The following DHRSX variants were observed in gnomAD, a reference collection of about 807,000 sequenced individuals.
The protein encoded by DHRSX is polyprenol dehydrogenase.
In DHRSX, 31 loss-of-function variants were observed where a neutral mutation model predicts 34.0. The ratio of observed to expected loss-of-function variants is 0.91; its 90% CI spans 0.69 to 1.23. The LOEUF is 1.23. Ranked by LOEUF, DHRSX falls within the 50% of genes most tolerant of loss-of-function variation. The pLI, the probability that DHRSX is intolerant of heterozygous loss-of-function variation, is 0.00. For missense variants in DHRSX, 414 were observed against 428.1 expected, an observed-to-expected ratio of 0.97 and a Z score of 0.29; for synonymous variants, 201 against 183.8, an observed-to-expected ratio of 1.09 and a Z score of -0.76.
At chrX:2,441,927 A>T (rs2044067703) in intron 1 of DHRSX, among the ~76,000 whole-genome samples, 1 of 152,088 alleles carries the variant, frequency 6.6e-6, no homozygotes, top group Non-Finnish European at 1.5e-5. Context: ...AAAAAAAATT[A>T]GCTGGGTGTG....
At chrX:2,452,952 C>G (rs1240543626) in intron 1 of DHRSX, among the ~76,000 whole-genome samples, 1 of 152,162 alleles carries the variant, frequency 6.6e-6, no homozygotes, top group Non-Finnish European at 1.5e-5. Flanking sequence ...TACTCAGTTT[C>G]CAAGAGACGG....
intron 3 of DHRSX, among the ~76,000 whole-genome samples, chrX:2,394,295 A>G (rs2043381417): frequency 6.6e-6 from 1 of 152,212 alleles, no homozygotes; most frequent in African/African-American, 2.4e-5. Flanking sequence ...GCCCCACAGG[A>G]GAGACCTGGA....
At chrX:2,252,389 T>C (rs963535795) in intron 5 of DHRSX, among the ~76,000 whole-genome samples, 2 of 152,026 alleles carry the variant, frequency 1.3e-5, no homozygotes, top group Non-Finnish European at 2.9e-5. Context: ...ACTTCTCCAA[T>C]CTCCTCACCC....
intron 1 of DHRSX, among the ~76,000 whole-genome samples, chrX:2,454,451 C>T (rs920441712): frequency 1.2e-4 from 18 of 150,894 alleles, no homozygotes; most frequent in East Asian, 3.9e-4. Context: ...TGCTTCAACC[C>T]GGGAGATGTT....
rs756471302 is a variant in DHRSX, at chrX:2,264,521, G to C, written c.596+2219C>G. 2.7e-5 allele frequency among the ~76,000 whole-genome samples: 4 copies of C among 148,810 alleles called. No homozygotes were observed. The South Asian group carries it at 8.6e-4, about 32-fold the overall frequency. On this transcript the variant is annotated intron_variant, in intron 5 of 6. Transcript: ENST00000334651. ...GTCCAGCAGACTCAGGGAGCACTGT[G>C]CCCAGAGCACCTGTGCTCAGCAGAC...
At chrX:2,268,626 T>C (rs1602840997) in intron 4 of DHRSX, among the ~76,000 whole-genome samples, 1 of 149,814 alleles carries the variant, frequency 6.7e-6, no homozygotes, top group Non-Finnish European at 1.5e-5. Flanking sequence ...TTCTTTTACA[T>C]ATGTGTTGTA....
chrX:2,272,702 G>A (rs930814916), intron 4 of DHRSX, among the ~76,000 whole-genome samples: 3 of 152,076 alleles, frequency 2.0e-5, no homozygotes, highest in Non-Finnish European at 4.4e-5. Context: ...AAGCCCAGGT[G>A]ACAGGCTGTA....
chrX:2,299,597 A>G (rs1281382319), intron 3 of DHRSX, among the ~76,000 whole-genome samples: 2 of 152,088 alleles, frequency 1.3e-5, no homozygotes, highest in Non-Finnish European at 2.9e-5. Flanking sequence ...GCTCATGCCT[A>G]TAACCCCAGC....
chrX:2,277,052 GA>G (rs749202509), intron 4 of DHRSX, among the ~76,000 whole-genome samples: 3 of 87,352 alleles, frequency 3.4e-5, no homozygotes, highest in African/African-American at 2.0e-4. Context: ...GAGAGGAGGA[GA>G]GGGAGGAAAT....
chrX:2,478,003 T>C (rs1230778177), intron 1 of DHRSX, among the ~76,000 whole-genome samples: 1 of 152,158 alleles, frequency 6.6e-6, no homozygotes, highest in Non-Finnish European at 1.5e-5. Flanking sequence ...ACACTAGAAG[T>C]CTCTGATAGG....
intron 2 of DHRSX, among the ~76,000 whole-genome samples, chrX:2,410,298 AGT>A (rs1404953986): frequency 1.3e-5 from 2 of 152,032 alleles, no homozygotes; most frequent in Non-Finnish European, 2.9e-5. Context: ...TCACGGAAAA[AGT>A]GTTGAGAGAA....
intron 5 of DHRSX, among the ~76,000 whole-genome samples, chrX:2,254,958 T>A (rs927256191): frequency 7.8e-5 from 10 of 127,976 alleles, no homozygotes; most frequent in African/African-American, 3.1e-4. Context: ...CCCCCCCCTT[T>A]TTTTTCTTTT....
At chrX:2,238,224 G>A (rs1379033262) in intron 6 of DHRSX, among the ~76,000 whole-genome samples, 1 of 152,242 alleles carries the variant, frequency 6.6e-6, no homozygotes, top group South Asian at 2.1e-4. Flanking sequence ...AGGCATGCTG[G>A]TGCATTCGTG....
At chrX:2,450,489 G>A (rs1041265181) in intron 1 of DHRSX, among the ~76,000 whole-genome samples, 2 of 151,912 alleles carry the variant, frequency 1.3e-5, no homozygotes, top group East Asian at 1.9e-4. Flanking sequence ...AGATAGTATC[G>A]GACATGCTGG....
intron 3 of DHRSX, among the ~76,000 whole-genome samples, chrX:2,318,674 C>T (rs2042270107): frequency 6.6e-6 from 1 of 151,558 alleles, no homozygotes; most frequent in Non-Finnish European, 1.5e-5. Context: ...CCCAGAACCG[C>T]CCACCGGCTT....
chrX:2,449,288 G>A (rs948402473), intron 1 of DHRSX, among the ~76,000 whole-genome samples: 3 of 152,024 alleles, frequency 2.0e-5, no homozygotes, highest in African/African-American at 7.2e-5. Flanking sequence ...AGTGTTCCCA[G>A]TTATTACTCG....
chrX:2,444,478 C>T (rs1440520406), intron 1 of DHRSX, among the ~76,000 whole-genome samples: 12 of 152,132 alleles, frequency 7.9e-5, no homozygotes, highest in East Asian at 3.9e-4. Flanking sequence ...GAGACCTGGG[C>T]GGCAGACGGG....
chrX:2,316,288 C>G (rs984411477), intron 3 of DHRSX, among the ~76,000 whole-genome samples: 2 of 152,154 alleles, frequency 1.3e-5, no homozygotes, highest in Non-Finnish European at 2.9e-5. Context: ...CGGTGGCTCA[C>G]GCCTGTAATT....
At position 2,492,422 on chromosome X, in the gene DHRSX, A is replaced by G. The variant is rs2045176310; in HGVS notation, c.109+8395T>C. 4.8e-5 allele frequency among the ~76,000 whole-genome samples: 7 copies of G among 144,876 alleles called. No individual in the cohort carries two copies. The South Asian group carries it at 1.5e-3, about 32-fold the overall frequency. On this transcript the variant is annotated intron_variant, in intron 1 of 6. Coordinates refer to ENST00000334651, the MANE Select transcript of DHRSX (RefSeq NM_145177.3). The stretch of plus-strand genomic sequence containing the variant: ...GGAGAGGCAGGAAGGATCCTCCTCT[A>G]GAGCCTCCACAATGAACTGGATAAA...
Sources: allele counts gnomAD v4.1 joint callset (sites outside exome capture counted in the v4.1 genomes callset), GRCh38; gene constraint gnomAD v4.1.1; transcripts MANE v1.5; gene names NCBI Gene and HGNC (gene_info 2026-07-23, HGNC 2026-07-21).